The following CRCP variants were observed in gnomAD, a reference collection of about 807,000 sequenced individuals.
The protein encoded by CRCP is DNA-directed RNA polymerase III subunit RPC9.
A neutral mutation model predicts 18.5 loss-of-function variants in CRCP; 18 were observed. The ratio of observed to expected loss-of-function variants is 0.97; its 90% CI spans 0.67 to 1.44. The LOEUF is 1.44. Ranked by LOEUF, CRCP falls within the 40% of genes most tolerant of loss-of-function variation. The pLI is 0.00. For missense variants in CRCP, 130 were observed against 176.4 expected, an observed-to-expected ratio of 0.74 and a Z score of 1.49; for synonymous variants, 53 against 62.9, an observed-to-expected ratio of 0.84 and a Z score of 0.75.
chr7:66,119,978 C>G (rs756421800), intron 1 of CRCP, among the ~76,000 whole-genome samples: 4 of 151,944 alleles, frequency 2.6e-5, no homozygotes, highest in Admixed American at 6.6e-5. Context: ...GTCAGGAGAT[C>G]GAGACCATCC....
chr7:66,116,322 C>T (rs894076119), intron 1 of CRCP, among the ~76,000 whole-genome samples: 2 of 151,212 alleles, frequency 1.3e-5, no homozygotes, highest in Admixed American at 1.3e-4. Flanking sequence ...TAGGGAGACC[C>T]TGTCTCTGCA....
At chr7:66,145,319 A>C in intron 4 of CRCP, 124 bp from the exon 5 acceptor site, 1 of 911,030 alleles carries the variant, frequency 1.1e-6, no homozygotes, top group South Asian at 1.4e-5. Flanking sequence ...CAGTTGAAGG[A>C]ACTGAGGGCC....
chr7:66,152,509 G>T lies in CRCP; in HGVS notation c.*152G>T, dbSNP rs1247269253. ...GTACATCACAAAAATAAGTTAAAAA[G>T]AAATATTTGTGCCTTGGGGAGAAGA... On this transcript the variant is annotated 3_prime_UTR_variant, in exon 6 of 6. Coordinates refer to ENST00000395326, the MANE Select transcript of CRCP (RefSeq NM_014478.5). 2.5e-6 allele frequency: 2 copies of T among 805,146 alleles called. No homozygotes were observed. Among genetic ancestry groups the T allele is most frequent in the East Asian group, 2.7e-5 (1 of 36,456 alleles). The allele number at this position is 805,146 out of a possible 1,614,324, so 49.9% of individuals were successfully genotyped here.
chr7:66,127,495 A>G (rs990069446), intron 1 of CRCP, among the ~76,000 whole-genome samples: 10 of 152,144 alleles, frequency 6.6e-5, no homozygotes, highest in South Asian at 6.2e-4. Flanking sequence ...GTGGGATGGG[A>G]CAGCACTTTG....
intron 1 of CRCP, among the ~76,000 whole-genome samples, chr7:66,118,849 G>A (rs562863972): frequency 2.0e-3 from 307 of 152,252 alleles, no homozygotes; most frequent in Non-Finnish European, 3.2e-3. Context: ...TTCCTGAAGC[G>A]GCCTTGGGAC....
chr7:66,134,440 C>A, intron 4 of CRCP, 66 bp downstream of exon 4: 1 of 1,146,244 alleles, frequency 8.7e-7, no homozygotes, highest in Non-Finnish European at 1.3e-6. Flanking sequence ...ACATTCGTAG[C>A]AACCGTGTAT....
chr7:66,130,094 A>ATTTTTTT, intron 2 of CRCP: 1 of 103,880 alleles, frequency 9.6e-6, no homozygotes, highest in Non-Finnish European at 1.7e-5. Flanking sequence ...GAGAAGCAGG[A>ATTTTTTT]TTCTTTTTTT....
rs1787660360 is a variant in CRCP, at chr7:66,127,799, T to G, written c.45+59T>G. The G allele has an allele frequency of 3.8e-6, 6 of 1,575,026 alleles. 1 individual carries two copies. In the Admixed American group the frequency reaches 8.3e-5, roughly 22 times the overall value. On this transcript the variant is annotated intron_variant, in intron 2 of 5. Coordinates refer to ENST00000395326, the MANE Select transcript of CRCP (RefSeq NM_014478.5). Reference sequence around the variant, plus strand: ...GTTTGCCCTTCGCTCCTGAGATTGTTAAATTGATTTTGGTTAGAAATGACT... The same window carrying G: ...GTTTGCCCTTCGCTCCTGAGATTGTGAAATTGATTTTGGTTAGAAATGACT...
At chr7:66,145,632 C>A in intron 5 of CRCP, 132 bp downstream of exon 5, 2 of 844,162 alleles carry the variant, frequency 2.4e-6, no homozygotes, top group Non-Finnish European at 3.9e-6. Context: ...GAAAAAGAGA[C>A]CTTGCCAGTT....
intron 5 of CRCP, among the ~76,000 whole-genome samples, chr7:66,147,919 G>T (rs904137450): frequency 6.6e-6 from 1 of 152,096 alleles, no homozygotes; most frequent in Non-Finnish European, 1.5e-5. Flanking sequence ...AATTAGCCAG[G>T]TATGGTGGCG....
chr7:66,130,940 T>C, intron 3 of CRCP, 98 bp downstream of exon 3: 1 of 743,414 alleles, frequency 1.3e-6, no homozygotes, highest in Non-Finnish European at 2.4e-6. Context: ...TTGCTTTTTA[T>C]ATGATCTGAA....
chr7:66,147,928 C>T (rs542879186), intron 5 of CRCP, among the ~76,000 whole-genome samples: 13 of 152,144 alleles, frequency 8.5e-5, no homozygotes, highest in South Asian at 2.1e-4. Context: ...GGTATGGTGG[C>T]GCACACCTGT....
intron 1 of CRCP, among the ~76,000 whole-genome samples, chr7:66,125,774 A>G (rs1271207081): frequency 6.7e-6 from 1 of 149,326 alleles, no homozygotes; most frequent in Non-Finnish European, 1.5e-5. Flanking sequence ...TAAAGTTGTA[A>G]CAGTGCACCT....
chr7:66,141,616 G>A (rs993061955), intron 4 of CRCP, among the ~76,000 whole-genome samples: 19 of 152,306 alleles, frequency 1.2e-4, no homozygotes, highest in African/African-American at 4.3e-4. Flanking sequence ...AGAATTGAAA[G>A]AGAAGGTGTC....
chr7:66,120,456 T>G (rs1730468430), intron 1 of CRCP: 1 of 152,066 alleles, frequency 6.6e-6, no homozygotes, highest in South Asian at 2.1e-4. Context: ...CAGCCAGTAA[T>G]TCATGGGAAA....
chr7:66,154,560 A>T lies in CRCP; in HGVS notation c.*2203A>T, dbSNP rs1240778617. On this transcript the variant is annotated 3_prime_UTR_variant, in exon 6 of 6. Transcript: ENST00000395326. Reference sequence around the variant, plus strand: ...ATACAAATAAAGTGAAATCTGACTGAGGCTAAAATGTGTGATTTTTTTCTT... The same window carrying T: ...ATACAAATAAAGTGAAATCTGACTGTGGCTAAAATGTGTGATTTTTTTCTT... 1 of 150,850 alleles carries T rather than the reference A, an allele frequency of 6.6e-6. No individual in the cohort carries two copies. Among genetic ancestry groups the T allele is most frequent in the Non-Finnish European group, 1.5e-5 (1 of 67,800 alleles). 9.3% of individuals were successfully genotyped at this position (150,850 alleles called of 1,614,324 possible). A position where few individuals can be genotyped will look rare whatever the true frequency, so the allele number is the denominator to read the frequency against.
At position 66,125,454 on chromosome 7, in the gene CRCP, T is replaced by C. The variant is rs149782291; in HGVS notation, c.9-2250T>C. On this transcript the variant is annotated intron_variant, in intron 1 of 5. Transcript: ENST00000395326. ...TTTATTCTGTGAATATTTAGCTGGG[T>C]TTTAAAAAAATTTATCTTCCTGATA... 5.4e-4 allele frequency among the ~76,000 whole-genome samples: 81 copies of C among 149,476 alleles called. 1 individual carries two copies. The highest frequency in any genetic ancestry group is 1.8e-3 in the African/African-American group (75 of 41,346).
intron 3 of CRCP, 70 bp from the exon 4 acceptor site, chr7:66,134,210 C>T: frequency 8.5e-7 from 1 of 1,178,346 alleles, no homozygotes; most frequent in Non-Finnish European, 1.2e-6. Context: ...ACAGTCATTG[C>T]CTTTGTTTTT....
chr7:66,150,046 T>G (rs560922760), intron 5 of CRCP, among the ~76,000 whole-genome samples: 24 of 151,990 alleles, frequency 1.6e-4, no homozygotes, highest in African/African-American at 4.8e-4. Context: ...GACCTTGTGA[T>G]CCGCCCACCT....
Sources: allele counts gnomAD v4.1 joint callset (sites outside exome capture counted in the v4.1 genomes callset), GRCh38; gene constraint gnomAD v4.1.1; transcripts MANE v1.5; gene names NCBI Gene and HGNC (gene_info 2026-07-23, HGNC 2026-07-21).